Variants in ANKRD52 observed in about 807,000 individuals in gnomAD.
ANKRD52 encodes the protein ankyrin repeat domain 52.
A neutral mutation model predicts 116.0 loss-of-function variants in ANKRD52; 7 were observed. That is an observed-to-expected ratio of 0.06 (90% CI 0.03 to 0.11). The LOEUF (loss-of-function observed/expected upper bound fraction) is 0.11. Among genes scored for constraint, ANKRD52 ranks in the 10% least tolerant of loss-of-function variants. The pLI is 1.00. For synonymous variants in ANKRD52, 528 were observed against 578.1 expected (o/e 0.91, Z 1.24); for missense variants, 839 against 1,408.6 (o/e 0.60, Z 6.47).
chr12:56,243,064 G>T lies in ANKRD52; in HGVS notation c.*78C>A. On this transcript the variant is annotated 3_prime_UTR_variant, in exon 28 of 28. Transcript: ENST00000267116. This position sits in a 1 kb window ranked among gnomAD's most constrained non-coding sequence, Gnocchi z 4.6. The stretch of plus-strand genomic sequence containing the variant: ...ACCCAGTCGTGTTCTCCTTTAAAGT[G>T]CCCTAAATGTTTAGACTTTTTCTAA... The T allele has an allele frequency of 6.9e-7, 1 of 1,453,034 alleles. No homozygotes were observed. The highest frequency in any genetic ancestry group is 9.1e-7 in the Non-Finnish European group (1 of 1,098,606). The allele number at this position is 1,453,034 out of a possible 1,614,324, so 90.0% of individuals were successfully genotyped here. A position where few individuals can be genotyped will look rare whatever the true frequency, so the allele number is the denominator to read the frequency against.
chr12:56,250,422 G>A (rs1402000258), intron 15 of ANKRD52, among the ~76,000 whole-genome samples: 1 of 149,904 alleles, frequency 6.7e-6, no homozygotes, highest in Non-Finnish European at 1.5e-5. Context: ...CTGGGGTGCA[G>A]TGGCTATTCA....
chr12:56,246,919 CAATAATAATAATAATAATAATAAT>C (rs374443069), intron 20 of ANKRD52, among the ~76,000 whole-genome samples: 93 of 125,484 alleles, frequency 7.4e-4, no homozygotes, highest in African/African-American at 2.5e-3. Context: ...GACTCTATCT[CAATAATAATAATAATAATAATAAT>C]AATAATAATA....
Position 56,240,545 on chromosome 12 carries a change from A to G in ANKRD52, c.*2597T>C, listed in dbSNP as rs1871121949. 1 of 146,584 alleles carries G rather than the reference A, an allele frequency of 6.8e-6. No homozygotes were observed. The allele number at this position is 146,584 out of a possible 1,614,324, so 9.1% of individuals were successfully genotyped here. A position where few individuals can be genotyped will look rare whatever the true frequency, so the allele number is the denominator to read the frequency against. Reference sequence around the variant, plus strand: ...CCCTCCCCCATGAAGACTGGGGGGCATTCTGCCTGTTTTACTTCTCCACAC... The same window carrying G: ...CCCTCCCCCATGAAGACTGGGGGGCGTTCTGCCTGTTTTACTTCTCCACAC... On this transcript the variant is annotated 3_prime_UTR_variant, in exon 28 of 28. Transcript: ENST00000267116. The surrounding 1 kb of genome is among the most constrained non-coding windows in gnomAD (Gnocchi z 4.2).
In ANKRD52 at chr12:56,246,963, AT is replaced by A. The variant is rs1176263868; in HGVS notation, c.2184+529del. On this transcript the variant is annotated intron_variant, in intron 20 of 27. Transcript: ENST00000267116. ...AATAATAATAATAATAATAATAATA[AT>A]AATAATAATAAACAAAGCACAGATA... Among the ~76,000 whole-genome samples the A allele has an allele frequency of 5.5e-5, 8 of 145,744 alleles. No homozygotes were observed. The East Asian group carries it at 1.4e-3, about 25-fold the overall frequency.
chr12:56,250,740 A>G (rs1871649190), intron 15 of ANKRD52, among the ~76,000 whole-genome samples: 1 of 151,052 alleles, frequency 6.6e-6, no homozygotes, highest in African/African-American at 2.4e-5. Flanking sequence ...TAATTAAAAA[A>G]AAAAAAAAAG....
Position 56,252,766 on chromosome 12 carries a change from G to A in ANKRD52, c.1301+14C>T. ...CTCCCTGCTCAAAGCATGGGAGAGA[G>A]AAAGAGAACTCACCCTCCGGAAGCA... On this transcript the variant is annotated intron_variant, in intron 12 of 27. Coordinates refer to ENST00000267116, the MANE Select transcript of ANKRD52 (RefSeq NM_173595.4). This position sits in a 1 kb window ranked among gnomAD's most constrained non-coding sequence, Gnocchi z 4.7. The A allele has an allele frequency of 3.1e-6, 5 of 1,611,668 alleles. No individual in the cohort carries two copies. The highest frequency in any genetic ancestry group is 3.4e-6 in the Non-Finnish European group (4 of 1,178,484).
Position 56,248,251 on chromosome 12 carries a change from C to T in ANKRD52, c.1777-27G>A, listed in dbSNP as rs1565609385. On this transcript the variant is annotated intron_variant, in intron 17 of 27. Transcript: ENST00000267116. This position sits in a 1 kb window ranked among gnomAD's most constrained non-coding sequence, Gnocchi z 5.1. ...TGGCAAGGTGCAGGCAACCAGTGCA[C>T]ACAGCTCGGGACCTTCCCTGCTCCT... 2 of 1,611,058 alleles carry T rather than the reference C, an allele frequency of 1.2e-6. No homozygotes were observed. The highest frequency in any genetic ancestry group is 1.7e-6 in the Non-Finnish European group (2 of 1,178,540).
At chr12:56,245,266 A>G in intron 21 of ANKRD52, 76 bp from the exon 22 acceptor site, 1 of 1,600,858 alleles carries the variant, frequency 6.2e-7, no homozygotes, top group Non-Finnish European at 8.6e-7. Context: ...TTGACACTCC[A>G]TTCCACTTCC....
rs751264137 is a variant in ANKRD52, at chr12:56,252,493, T to C, written c.1370+9A>G. On this transcript the variant is annotated intron_variant, in intron 13 of 27. Coordinates refer to ENST00000267116, the MANE Select transcript of ANKRD52 (RefSeq NM_173595.4). The surrounding 1 kb of genome is among the most constrained non-coding windows in gnomAD (Gnocchi z 4.7). ...TATTCCCTATGTTTACCCCTGCATATTAGCATACCTGCCAAATTTGTCCCT... is the reference window on the plus strand; with the variant it reads ...TATTCCCTATGTTTACCCCTGCATACTAGCATACCTGCCAAATTTGTCCCT... 2 of 1,612,854 alleles carry C rather than the reference T, an allele frequency of 1.2e-6. No homozygotes were observed. The highest frequency in any genetic ancestry group is 1.7e-6 in the Non-Finnish European group (2 of 1,178,860).
In ANKRD52 at chr12:56,255,005, C is replaced by T. The variant is rs1026920811; in HGVS notation, c.463-53G>A. On this transcript the variant is annotated intron_variant, in intron 5 of 27. Coordinates refer to ENST00000267116, the MANE Select transcript of ANKRD52 (RefSeq NM_173595.4). The surrounding 1 kb of genome is among the most constrained non-coding windows in gnomAD (Gnocchi z 4.3). Reference sequence around the variant, plus strand: ...TCAGAGCTAGATTCGTGCCCTCAACCTACCTAAGAGCAGAGGCCTCATCTC... The same window carrying T: ...TCAGAGCTAGATTCGTGCCCTCAACTTACCTAAGAGCAGAGGCCTCATCTC... 6 of 1,571,074 alleles carry T rather than the reference C, an allele frequency of 3.8e-6. No homozygotes were observed. The African/African-American group carries it at 6.8e-5, about 18-fold the overall frequency.
In ANKRD52 at chr12:56,257,030, A is replaced by C; in HGVS notation, c.246T>G (p.Ala82=). The change falls in exon 4 of 28, where the codon GCT becomes GCG. Residue 82 remains alanine (A), a synonymous_variant. Transcript: ENST00000267116. ...TLWLTPLHRA[A]ASRNEKVLGL... ...GGGTGCATACCTCGTTTCGGGAGGC[A>C]GCAGCACGATGAAGAGGGGTCAGCC... 6.2e-7 allele frequency: 1 copy of C among 1,613,584 alleles called. No homozygotes were observed. The highest frequency in any genetic ancestry group is 8.5e-7 in the Non-Finnish European group (1 of 1,179,718).
Position 56,237,893 on chromosome 12 carries a change from C to A in ANKRD52, c.*5249G>T. ...CTTGCACCAAAACAGCATAGAAAACCAGAGTGTGGTGGGAGGACCCGAAGC... is the reference window on the plus strand; with the variant it reads ...CTTGCACCAAAACAGCATAGAAAACAAGAGTGTGGTGGGAGGACCCGAAGC... On this transcript the variant is annotated 3_prime_UTR_variant, in exon 28 of 28. Coordinates refer to ENST00000267116, the MANE Select transcript of ANKRD52 (RefSeq NM_173595.4). The A allele has an allele frequency of 1.1e-6, 1 of 951,976 alleles. No individual in the cohort carries two copies. The highest frequency in any genetic ancestry group is 1.5e-6 in the Non-Finnish European group (1 of 680,452). The allele number at this position is 951,976 out of a possible 1,614,324, so 59.0% of individuals were successfully genotyped here.
rs1485395466 is a variant in ANKRD52, at chr12:56,244,993, GAGGA to G, written c.2493-8_2493-5del. 1 of 1,613,854 alleles carries G rather than the reference GAGGA, an allele frequency of 6.2e-7. No individual in the cohort carries two copies. The highest frequency in any genetic ancestry group is 8.5e-7 in the Non-Finnish European group (1 of 1,179,828). On this transcript the variant is annotated splice_region_variant and splice_polypyrimidine_tract_variant and intron_variant, in intron 22 of 27. Coordinates refer to ENST00000267116, the MANE Select transcript of ANKRD52 (RefSeq NM_173595.4). This position sits in a 1 kb window ranked among gnomAD's most constrained non-coding sequence, Gnocchi z 4.9. ...GGTGCTGTCTTGGTTATTAATCCTA[GAGGA>G]AGAGGGAGGAGGGGTCATCAGGAAG...
Position 56,242,252 on chromosome 12 carries a change from C to T in ANKRD52, c.*890G>A. On this transcript the variant is annotated 3_prime_UTR_variant, in exon 28 of 28. Transcript: ENST00000267116. The surrounding 1 kb of genome is among the most constrained non-coding windows in gnomAD (Gnocchi z 4.3). ...AAATGGGCAGGAAATTAATTTGTTT[C>T]TTCCCCTAAAGGATAAAACGCTTAC... 2.5e-6 allele frequency: 1 copy of T among 398,522 alleles called. No homozygotes were observed. The allele number at this position is 398,522 out of a possible 1,614,324, so 24.7% of individuals were successfully genotyped here. A position where few individuals can be genotyped will look rare whatever the true frequency, so the allele number is the denominator to read the frequency against.
At chr12:56,256,939 G>A in intron 4 of ANKRD52, 76 bp downstream of exon 4, 1 of 1,461,094 alleles carries the variant, frequency 6.8e-7, no homozygotes, top group Non-Finnish European at 9.2e-7. Context: ...TGAGGACTGA[G>A]GCTCCTTAAC....
At position 56,248,672 on chromosome 12, in the gene ANKRD52, C is replaced by T. The variant is rs1347442193; in HGVS notation, c.1704+87G>A. On this transcript the variant is annotated intron_variant, in intron 16 of 27. Transcript: ENST00000267116. The surrounding 1 kb of genome is among the most constrained non-coding windows in gnomAD (Gnocchi z 5.1). ...ACTAAGCCTCTGGATCCAAAGACCA[C>T]ATTTGATTGAACCCTTAGTTTTGGA... The T allele has an allele frequency of 1.3e-5, 20 of 1,484,948 alleles. No homozygotes were observed. The highest frequency in any genetic ancestry group is 1.8e-5 in the Non-Finnish European group (19 of 1,084,982). The allele number at this position is 1,484,948 out of a possible 1,614,324, so 92.0% of individuals were successfully genotyped here.
In ANKRD52 at chr12:56,255,185, C is replaced by A; in HGVS notation, c.463-233G>T. 13 of 389,382 alleles carry A rather than the reference C, an allele frequency of 3.3e-5. No individual in the cohort carries two copies. The highest frequency in any genetic ancestry group is 4.0e-5 in the East Asian group (1 of 24,942). The allele number at this position is 389,382 out of a possible 1,614,324, so 24.1% of individuals were successfully genotyped here. ...AGTCTCTTCAGGTGATCTGGTGGTT[C>A]TTAAACTCTTTTTTTTTTTTTTTTT... On this transcript the variant is annotated intron_variant, in intron 5 of 27. Coordinates refer to ENST00000267116, the MANE Select transcript of ANKRD52 (RefSeq NM_173595.4). This position sits in a 1 kb window ranked among gnomAD's most constrained non-coding sequence, Gnocchi z 4.3.
Position 56,254,998 on chromosome 12 carries a change from C to T in ANKRD52, c.463-46G>A, listed in dbSNP as rs1453556554. On this transcript the variant is annotated intron_variant, in intron 5 of 27. Coordinates refer to ENST00000267116, the MANE Select transcript of ANKRD52 (RefSeq NM_173595.4). This position sits in a 1 kb window ranked among gnomAD's most constrained non-coding sequence, Gnocchi z 4.6. ...CACCTGTTCAGAGCTAGATTCGTGC[C>T]CTCAACCTACCTAAGAGCAGAGGCC... 9 of 1,574,776 alleles carry T rather than the reference C, an allele frequency of 5.7e-6. No homozygotes were observed. The Admixed American group carries it at 1.5e-4, about 26-fold the overall frequency.
chr12:56,249,761 T>C (rs1871595082), intron 15 of ANKRD52, among the ~76,000 whole-genome samples: 1 of 152,344 alleles, frequency 6.6e-6, no homozygotes, highest in Non-Finnish European at 1.5e-5. Flanking sequence ...AAAATTAGGC[T>C]GGGCGTGGTG....
Sources: allele counts gnomAD v4.1 joint callset (sites outside exome capture counted in the v4.1 genomes callset), GRCh38; gene constraint gnomAD v4.1.1; non-coding constraint Gnocchi (gnomAD v3.1); transcripts MANE v1.5; gene names NCBI Gene and HGNC (gene_info 2026-07-23, HGNC 2026-07-21).